SLC24A3: variants seen among roughly 807,000 people sequenced by gnomAD.
SLC24A3 encodes solute carrier family 24 member 3, also known as sodium/potassium/calcium exchanger 3.
Under a neutral mutation model 75.8 loss-of-function variants are expected in SLC24A3, and 28 were observed. The observed-to-expected ratio is 0.37, with a 90% CI of 0.27 to 0.51. The LOEUF (loss-of-function observed/expected upper bound fraction) is 0.51. Among genes scored for constraint, SLC24A3 ranks in the 20% least tolerant of loss-of-function variants. The probability of loss-of-function intolerance (pLI) is 0.94; values close to 1 mark genes in which losing one functional copy is unlikely to be tolerated. For missense variants in SLC24A3, 663 were observed against 847.8 expected, an observed-to-expected ratio of 0.78 and a Z score of 2.71; for synonymous variants, 372 against 334.1, an observed-to-expected ratio of 1.11 and a Z score of -1.24.
At chr20:19,632,221 G>T (rs1194446265) in intron 6 of SLC24A3, among the ~76,000 whole-genome samples, 4 of 152,134 alleles carry the variant, frequency 2.6e-5, no homozygotes, top group Admixed American at 2.6e-4. Context: ...TAGCAGGGTA[G>T]GTGTATTAGC....
At chr20:19,572,443 G>A (rs2031068204) in intron 3 of SLC24A3, among the ~76,000 whole-genome samples, 2 of 152,234 alleles carry the variant, frequency 1.3e-5, no homozygotes, top group South Asian at 4.2e-4. Context: ...GGGAAACTCT[G>A]GAGACAGCCT....
intron 1 of SLC24A3, among the ~76,000 whole-genome samples, chr20:19,219,504 A>G (rs1420787545): frequency 3.3e-5 from 5 of 152,202 alleles, no homozygotes; most frequent in Admixed American, 6.5e-5. Context: ...GAGGTGCTGA[A>G]CAAGTAATTT....
chr20:19,674,950 G>T (rs2032507017), intron 9 of SLC24A3, among the ~76,000 whole-genome samples: 1 of 152,150 alleles, frequency 6.6e-6, no homozygotes, highest in East Asian at 1.9e-4. Context: ...CTACTTGGGA[G>T]GAGGCAGGAG....
chr20:19,321,180 C>CT (rs1360632326), intron 2 of SLC24A3, among the ~76,000 whole-genome samples: 41 of 152,262 alleles, frequency 2.7e-4, no homozygotes, highest in African/African-American at 9.9e-4. Context: ...CTCTTTGGCT[C>CT]TAAATACTTC....
intron 1 of SLC24A3, among the ~76,000 whole-genome samples, chr20:19,261,155 G>A (rs1460686045): frequency 1.3e-5 from 2 of 152,286 alleles, no homozygotes; most frequent in Middle Eastern, 3.4e-3. Flanking sequence ...TTGGAAAGAT[G>A]GGAATTTATT....
intron 2 of SLC24A3, among the ~76,000 whole-genome samples, chr20:19,332,085 G>T (rs561536404): frequency 6.6e-6 from 1 of 152,186 alleles, no homozygotes; most frequent in African/African-American, 2.4e-5. Flanking sequence ...GAATTGGAGC[G>T]TCTTGCAGGG....
At chr20:19,290,027 C>T (rs1049462112) in intron 2 of SLC24A3, among the ~76,000 whole-genome samples, 1 of 152,142 alleles carries the variant, frequency 6.6e-6, no homozygotes, top group African/African-American at 2.4e-5. Flanking sequence ...TTTAAGCGCT[C>T]TCAGATGTCT....
At chr20:19,479,995 T>G (rs1486378062) in intron 2 of SLC24A3, among the ~76,000 whole-genome samples, 1 of 152,188 alleles carries the variant, frequency 6.6e-6, no homozygotes. Context: ...CTTCCCTCTA[T>G]CAAAAGGGAC....
chr20:19,215,718 T>C (rs1174892760), intron 1 of SLC24A3, among the ~76,000 whole-genome samples: 1 of 152,238 alleles, frequency 6.6e-6, no homozygotes, highest in Non-Finnish European at 1.5e-5. Context: ...TTATATTATA[T>C]GATGTTTCAT....
intron 15 of SLC24A3, among the ~76,000 whole-genome samples, chr20:19,704,300 G>T (rs2032904450): frequency 6.6e-6 from 1 of 152,156 alleles, no homozygotes; most frequent in Non-Finnish European, 1.5e-5. Flanking sequence ...AAAAAGAATA[G>T]CTAGAATTCA....
At position 19,370,904 on chromosome 20, in the gene SLC24A3, G is replaced by A. The variant is rs183261116; in HGVS notation, c.271+89817G>A. ...GGCTGTCAGCAGCCTGGTGGGTCCC[G>A]GTGGTGGTTCTCATCCTTTAGTGTA... is the stretch of plus-strand genomic sequence containing the variant. On this transcript the variant is annotated intron_variant, in intron 2 of 16. Transcript: ENST00000328041. Among the ~76,000 whole-genome samples, 117 of 152,282 alleles carry A rather than the reference G, an allele frequency of 7.7e-4. 1 individual carries two copies. Among genetic ancestry groups the A allele is most frequent in the African/African-American group, 2.2e-3 (92 of 41,552 alleles).
intron 1 of SLC24A3, among the ~76,000 whole-genome samples, chr20:19,269,060 G>C (rs562118594): frequency 6.6e-6 from 1 of 152,328 alleles, no homozygotes; most frequent in South Asian, 2.1e-4. Flanking sequence ...CAGATTATGG[G>C]ATAAGGCCAG....
At chr20:19,621,760 A>G (rs1350716172) in intron 6 of SLC24A3, among the ~76,000 whole-genome samples, 1 of 152,198 alleles carries the variant, frequency 6.6e-6, no homozygotes, top group Non-Finnish European at 1.5e-5. Flanking sequence ...ACATGAAAGA[A>G]CAACCTGTTG....
chr20:19,659,552 G>A lies in SLC24A3; in HGVS notation c.687+5416G>A, dbSNP rs139560464. Among the ~76,000 whole-genome samples, 1,026 of 152,308 alleles carry A rather than the reference G, an allele frequency of 6.7e-3. 10 individuals are homozygous for A. The highest frequency in any genetic ancestry group is 0.023 in the African/African-American group (967 of 41,564). ...AGCATGGACTTGATCCTCAGCAGGG[G>A]ACTGTGTTGGGTCTACTGATAATTA... is the stretch of plus-strand genomic sequence containing the variant. On this transcript the variant is annotated intron_variant, in intron 7 of 16. Coordinates refer to ENST00000328041, the MANE Select transcript of SLC24A3 (RefSeq NM_020689.4).
At chr20:19,222,797 C>CTTCCTTCCTTCG (rs1555782150) in intron 1 of SLC24A3, among the ~76,000 whole-genome samples, 81 of 141,482 alleles carry the variant, frequency 5.7e-4, no homozygotes, top group African/African-American at 2.1e-3. Flanking sequence ...TCCTTCCTTC[C>CTTCCTTCCTTCG]TTCCTTCCTT....
chr20:19,440,638 CCT>C, intron 2 of SLC24A3, among the ~76,000 whole-genome samples: 1 of 135,840 alleles, frequency 7.4e-6, no homozygotes, highest in South Asian at 2.4e-4. Flanking sequence ...GGAGGAGAGG[CCT>C]CACTGTTTTT....
At position 19,685,120 on chromosome 20, in the gene SLC24A3, C is replaced by T. The variant is rs908552132; in HGVS notation, c.1083C>T (p.Ser361=). The change falls in exon 12 of 17, where the codon AGC becomes AGT. Residue 361 remains serine, a synonymous_variant. Coordinates refer to ENST00000328041, the MANE Select transcript of SLC24A3 (RefSeq NM_020689.4). ...TCCAGAGACAAAGATTGATAAACAG[C>T]AGGGCTTATACCAACGGGGAATCTG... The part of the protein sequence containing the change: ...LINERQRLIN[S]RAYTNGESEV... 6.2e-7 allele frequency: 1 copy of T among 1,609,518 alleles called. No individual in the cohort carries two copies. Among genetic ancestry groups the T allele is most frequent in the Non-Finnish European group, 8.5e-7 (1 of 1,176,506 alleles).
At chr20:19,374,959 G>A (rs1986057166) in intron 2 of SLC24A3, among the ~76,000 whole-genome samples, 1 of 152,148 alleles carries the variant, frequency 6.6e-6, no homozygotes, top group African/African-American at 2.4e-5. Context: ...CTTGGGCAAG[G>A]TAACACTGAG....
intron 1 of SLC24A3, among the ~76,000 whole-genome samples, chr20:19,236,290 A>C (rs1376297627): frequency 6.6e-6 from 1 of 152,092 alleles, no homozygotes; most frequent in East Asian, 1.9e-4. Flanking sequence ...GGAGTGTGCA[A>C]GGGGTGTTGA....
Sources: gnomAD v4.1 joint callset for allele counts (sites outside exome capture counted in the v4.1 genomes callset) on GRCh38, gnomAD v4.1.1 for gene constraint, MANE v1.5 for transcripts, NCBI Gene and HGNC (gene_info 2026-07-23, HGNC 2026-07-21) for gene names.